Variants in TLL1 observed in about 807,000 individuals in gnomAD.
TLL1 encodes the protein tolloid-like protein 1.
A neutral mutation model predicts 128.2 loss-of-function variants in TLL1; 49 were observed. The ratio of observed to expected loss-of-function variants is 0.38; its 90% confidence interval spans 0.30 to 0.48. TLL1 has a LOEUF of 0.48. Ranked by LOEUF, TLL1 falls within the 20% of genes least tolerant of loss-of-function variation. TLL1 has a pLI of 0.96. For synonymous variants in TLL1, 454 were observed against 418.8 expected, an observed-to-expected ratio of 1.08 and a Z score of -1.03; for missense variants, 1,123 against 1,242.0, an observed-to-expected ratio of 0.90 and a Z score of 1.44.
chr4:166,074,777 A>T, intron 16 of TLL1, 101 bp from the exon 17 acceptor site: 1 of 1,398,112 alleles, frequency 7.2e-7, no homozygotes, highest in Non-Finnish European at 1.0e-6. Flanking sequence ...ACCATGACTT[A>T]GTTTACCCTT....
chr4:166,043,474 A>T, intron 12 of TLL1, 55 bp downstream of exon 12: 2 of 1,607,540 alleles, frequency 1.2e-6, no homozygotes, highest in Admixed American at 3.3e-5. Flanking sequence ...CGACAATGGC[A>T]TTTAAGAGAA....
At chr4:165,899,912 G>A (rs147292426) in intron 1 of TLL1, among the ~76,000 whole-genome samples, 69 of 152,240 alleles carry the variant, frequency 4.5e-4, no homozygotes, top group African/African-American at 1.6e-3. Flanking sequence ...TGTATTGGGT[G>A]TATATATATT....
intron 10 of TLL1, among the ~76,000 whole-genome samples, chr4:166,040,049 C>A (rs1739175551): frequency 6.6e-6 from 1 of 152,224 alleles, no homozygotes; most frequent in Admixed American, 6.5e-5. Context: ...ACAGACCACA[C>A]TATTAACTTG....
At chr4:165,978,692 T>C (rs564872995) in intron 1 of TLL1, among the ~76,000 whole-genome samples, 1 of 152,352 alleles carries the variant, frequency 6.6e-6, no homozygotes, top group African/African-American at 2.4e-5. Flanking sequence ...CCACCAAATA[T>C]GTGCATACGT....
intron 12 of TLL1, among the ~76,000 whole-genome samples, chr4:166,046,620 A>G (rs1579668664): frequency 1.3e-5 from 2 of 152,314 alleles, no homozygotes; most frequent in African/African-American, 4.8e-5. Flanking sequence ...TGAGTCACCT[A>G]ATGTGCCCAT....
At position 165,915,284 on chromosome 4, in the gene TLL1, A is replaced by C. The variant is rs77185800; in HGVS notation, c.169+41211A>C. On this transcript the variant is annotated intron_variant, in intron 1 of 20. Transcript: ENST00000061240. ...CTTTTTAAGGAAGATAGTCTGGGAA[A>C]AAAAAGAAAGTTTTGTGTTGGAGAA... is the stretch of plus-strand genomic sequence containing the variant. Among the ~76,000 whole-genome samples the C allele has an allele frequency of 1.8e-3, 279 of 152,332 alleles. 4 individuals are homozygous for C. The highest frequency in any genetic ancestry group is 0.013 in the Admixed American group (205 of 15,296).
intron 7 of TLL1, among the ~76,000 whole-genome samples, chr4:166,010,844 C>A (rs1207614537): frequency 6.6e-6 from 1 of 150,402 alleles, no homozygotes; most frequent in East Asian, 1.9e-4. Flanking sequence ...AAAAAGAGAC[C>A]AATTTTATTA....
At chr4:165,916,273 C>G (rs1372667555) in intron 1 of TLL1, among the ~76,000 whole-genome samples, 1 of 152,188 alleles carries the variant, frequency 6.6e-6, no homozygotes, top group Non-Finnish European at 1.5e-5. Context: ...TGTTTTGTAT[C>G]TTGATCTCTG....
chr4:165,952,371 A>G (rs1734566536), intron 1 of TLL1, among the ~76,000 whole-genome samples: 1 of 152,174 alleles, frequency 6.6e-6, no homozygotes, highest in Non-Finnish European at 1.5e-5. Context: ...ATTATATTGT[A>G]TTCTGGTTTT....
intron 17 of TLL1, among the ~76,000 whole-genome samples, chr4:166,075,206 G>A (rs1414294515): frequency 6.6e-6 from 1 of 152,180 alleles, no homozygotes; most frequent in Non-Finnish European, 1.5e-5. Flanking sequence ...TGGCATTAGA[G>A]TAGCTTTGTA....
intron 1 of TLL1, among the ~76,000 whole-genome samples, chr4:165,976,879 C>T (rs1046677698): frequency 2.6e-5 from 4 of 152,222 alleles, no homozygotes; most frequent in Middle Eastern, 3.4e-3. Context: ...AACACAAAAT[C>T]GTATACTTTT....
chr4:165,998,146 C>T (rs572019437), intron 5 of TLL1, among the ~76,000 whole-genome samples: 5 of 152,094 alleles, frequency 3.3e-5, no homozygotes, highest in South Asian at 2.1e-4. Flanking sequence ...CAGTTATTGT[C>T]ATCAGTGGCA....
chr4:165,938,494 A>G, intron 1 of TLL1, among the ~76,000 whole-genome samples: 2 of 151,978 alleles, frequency 1.3e-5, no homozygotes, highest in South Asian at 4.2e-4. Flanking sequence ...TCCTTTCCTT[A>G]ATTTTCTAAT....
chr4:165,987,071 T>A (rs1736423451), intron 1 of TLL1, among the ~76,000 whole-genome samples: 2 of 152,090 alleles, frequency 1.3e-5, no homozygotes, highest in Admixed American at 6.6e-5. Context: ...ACTTACCAAA[T>A]CAGAGTCTGC....
At chr4:165,959,622 G>C (rs1734995434) in intron 1 of TLL1, among the ~76,000 whole-genome samples, 1 of 151,988 alleles carries the variant, frequency 6.6e-6, no homozygotes, top group Non-Finnish European at 1.5e-5. Context: ...ATTTGAAAAA[G>C]TTGAAATAAT....
chr4:166,022,770 G>T (rs759182026), intron 8 of TLL1, among the ~76,000 whole-genome samples: 75 of 152,244 alleles, frequency 4.9e-4, no homozygotes, highest in African/African-American at 1.7e-3. Context: ...ACACAATTTT[G>T]TATGCTAGAA....
intron 1 of TLL1, among the ~76,000 whole-genome samples, chr4:165,887,293 A>G (rs1579442782): frequency 6.6e-6 from 1 of 152,140 alleles, no homozygotes; most frequent in Non-Finnish European, 1.5e-5. Context: ...TTGTTAGGTT[A>G]TAGTAGAAGT....
chr4:166,000,078 T>C (rs1473513653), intron 5 of TLL1, among the ~76,000 whole-genome samples: 1 of 152,192 alleles, frequency 6.6e-6, no homozygotes, highest in East Asian at 1.9e-4. Context: ...GGCTTTTCTG[T>C]TGATAGGGAA....
At chr4:165,951,459 A>G (rs924255663) in intron 1 of TLL1, among the ~76,000 whole-genome samples, 1 of 152,188 alleles carries the variant, frequency 6.6e-6, no homozygotes, top group African/African-American at 2.4e-5. Flanking sequence ...GCCCATGCAC[A>G]GCTAATGCCA....
Sources: allele counts gnomAD v4.1 joint callset (sites outside exome capture counted in the v4.1 genomes callset), GRCh38; gene constraint gnomAD v4.1.1; transcripts MANE v1.5; gene names NCBI Gene and HGNC (gene_info 2026-07-23, HGNC 2026-07-21).